The following TMTC1 variants were observed in gnomAD, a reference collection of about 807,000 sequenced individuals.
The protein encoded by TMTC1 is transmembrane O-mannosyltransferase targeting cadherins 1.
TMTC1 carries 73 observed loss-of-function variants against 104.8 expected under a neutral mutation model. The observed-to-expected ratio is 0.70, with a 90% CI of 0.58 to 0.85. The LOEUF (loss-of-function observed/expected upper bound fraction) is 0.85, where lower values mean the gene tolerates loss of function less well. TMTC1 is among the 40% of genes least tolerant of loss of function. The probability of loss-of-function intolerance (pLI) is 0.00; values close to 1 mark genes in which losing one functional copy is unlikely to be tolerated. For synonymous variants in TMTC1, 434 were observed against 428.7 expected, an observed-to-expected ratio of 1.01 and a Z score of -0.15; for missense variants, 1,035 against 1,096.1, an observed-to-expected ratio of 0.94 and a Z score of 0.79.
At chr12:29,527,782 C>T (rs778806228) in intron 11 of TMTC1, among the ~76,000 whole-genome samples, 1 of 152,174 alleles carries the variant, frequency 6.6e-6, no homozygotes, top group South Asian at 2.1e-4. Flanking sequence ...CCAAAATAGG[C>T]AAAGAGATTA....
chr12:29,517,515 T>G lies in TMTC1; in HGVS notation c.2081A>C (p.Tyr694Ser). The G allele has an allele frequency of 6.2e-7, 1 of 1,614,162 alleles. No homozygotes were observed. Among genetic ancestry groups the G allele is most frequent in the South Asian group, 1.1e-5 (1 of 91,076 alleles). The change falls in exon 14 of 18, where the codon TAC becomes TCC. Residue 694 changes from tyrosine (Y) to serine (S), a missense_variant. Coordinates refer to ENST00000539277, the MANE Select transcript of TMTC1 (RefSeq NM_001193451.2). ...EILSPLGALYYNTGRYEEALQ... is the reference protein window; with the variant it reads ...EILSPLGALYSNTGRYEEALQ... ...AGCCTCTTCGTATCGGCCAGTGTTG[T>G]AATACAGTGCTCCCAAAGGTGACAA... is the stretch of plus-strand genomic sequence containing the variant.
At chr12:29,700,143 C>T (rs1158802588) in intron 5 of TMTC1, among the ~76,000 whole-genome samples, 1 of 151,832 alleles carries the variant, frequency 6.6e-6, no homozygotes, top group Admixed American at 6.6e-5. Context: ...TAAACTCCTG[C>T]ACTCAAGGGA....
intron 9 of TMTC1, among the ~76,000 whole-genome samples, chr12:29,568,509 C>T (rs1412379852): frequency 6.6e-6 from 1 of 152,116 alleles, no homozygotes; most frequent in Non-Finnish European, 1.5e-5. Flanking sequence ...AGACTCATAG[C>T]AATGAATTAT....
chr12:29,591,577 C>T (rs1241695399), intron 7 of TMTC1, among the ~76,000 whole-genome samples: 1 of 152,188 alleles, frequency 6.6e-6, no homozygotes, highest in African/African-American at 2.4e-5. Flanking sequence ...TGAGAAAGAA[C>T]CACCACTGCT....
chr12:29,719,480 T>C (rs1465311256), intron 5 of TMTC1, among the ~76,000 whole-genome samples: 1 of 152,212 alleles, frequency 6.6e-6, no homozygotes, highest in African/African-American at 2.4e-5. Context: ...CTGGCTGGTT[T>C]GTGATTATAC....
intron 5 of TMTC1, among the ~76,000 whole-genome samples, chr12:29,707,339 T>C (rs1941774525): frequency 6.6e-6 from 1 of 152,186 alleles, no homozygotes; most frequent in Non-Finnish European, 1.5e-5. Flanking sequence ...TTAGCTACTA[T>C]ATAAAATTTA....
intron 5 of TMTC1, among the ~76,000 whole-genome samples, chr12:29,711,910 G>A (rs566837910): frequency 2.0e-5 from 3 of 149,436 alleles, no homozygotes; most frequent in Non-Finnish European, 4.4e-5. Context: ...GGGAGGCTGA[G>A]GCAGGAGAAT....
At position 29,751,788 on chromosome 12, in the gene TMTC1, C is replaced by T; in HGVS notation, c.816G>A (p.Glu272=). 6.2e-7 allele frequency: 1 copy of T among 1,613,690 alleles called. No homozygotes were observed. ...GAGGGAACCGCTGCTGCTTCCCATT[C>T]TCCCGGTGAGGATGGCCTGGCAGTG... ...PSSLPGHPHR[E]NGKQQRFPHK... Residue 272 remains glutamate, a synonymous_variant, in exon 5 of 18, where the codon GAG becomes GAA. Coordinates refer to ENST00000539277, the MANE Select transcript of TMTC1 (RefSeq NM_001193451.2).
rs1943511368 is a variant in TMTC1, at chr12:29,768,013, T to C, written c.365A>G (p.His122Arg). 2 of 1,613,736 alleles carry C rather than the reference T, an allele frequency of 1.2e-6. No homozygotes were observed. Among genetic ancestry groups the C allele is most frequent in the Non-Finnish European group, 1.7e-6 (2 of 1,179,806 alleles). ...CATCAGCACAAGAGTCACTAAGCAG[T>C]GTAAAATTATATTTACTGCATGAAA... ...FYFHAVNIIL[H>R]CLVTLVLMYT... The change falls in exon 2 of 18, where the codon CAC becomes CGC. Residue 122 changes from histidine to arginine, a missense_variant. Transcript: ENST00000539277.
chr12:29,572,090 C>A lies in TMTC1; in HGVS notation c.1532+15G>T. The A allele has an allele frequency of 6.2e-7, 1 of 1,602,406 alleles. No individual in the cohort carries two copies. The highest frequency in any genetic ancestry group is 1.1e-5 in the South Asian group (1 of 90,754). The stretch of plus-strand genomic sequence containing the variant: ...TAAAGCACCAAGGCCAACACCCTCC[C>A]TGTGTGGCGCTTACTTGAGAGCTGT... On this transcript the variant is annotated intron_variant, in intron 9 of 17. Transcript: ENST00000539277.
chr12:29,665,150 CA>C (rs1249483695), intron 5 of TMTC1, among the ~76,000 whole-genome samples: 2 of 149,962 alleles, frequency 1.3e-5, no homozygotes, highest in Non-Finnish European at 3.0e-5. Context: ...TACCCAATTT[CA>C]AAAAAAAAGA....
rs140628344 is a variant in TMTC1, at chr12:29,652,729, T to C, written c.939-19393A>G. Among the ~76,000 whole-genome samples the C allele has an allele frequency of 3.5e-3, 535 of 152,094 alleles. 4 individuals are homozygous for C. The highest frequency in any genetic ancestry group is 0.012 in the African/African-American group (517 of 41,498). On this transcript the variant is annotated intron_variant, in intron 5 of 17. Transcript: ENST00000539277. ...TTCACATTTAAATGGGAAGGAAAAA[T>C]TGGGGAATAGTCTATAACAATAAAG... is the stretch of plus-strand genomic sequence containing the variant.
chr12:29,666,214 TTTTTTTC>T lies in TMTC1; in HGVS notation c.939-32885_939-32879del, dbSNP rs762065402. 3.2e-4 allele frequency: 138 copies of T among 425,260 alleles called. 1 individual carries two copies. The highest frequency in any genetic ancestry group is 6.9e-4 in the Middle Eastern group (2 of 2,908). The allele number at this position is 425,260 out of a possible 1,614,324, so 26.3% of individuals were successfully genotyped here. A position where few individuals can be genotyped will look rare whatever the true frequency, so the allele number is the denominator to read the frequency against. ...ACATCTACCCCTTTTCTTTTCTTTC[TTTTTTTC>T]TTTTTTCTTTTTTTTTTTTTTTTGG... On this transcript the variant is annotated intron_variant, in intron 5 of 17. Transcript: ENST00000539277.
chr12:29,510,556 A>G (rs1943804982), intron 17 of TMTC1, among the ~76,000 whole-genome samples: 1 of 152,168 alleles, frequency 6.6e-6, no homozygotes, highest in African/African-American at 2.4e-5. Flanking sequence ...TCGTGCTTGA[A>G]TTCACCACCT....
intron 5 of TMTC1, among the ~76,000 whole-genome samples, chr12:29,708,441 T>A (rs1166105239): frequency 6.6e-6 from 1 of 152,178 alleles, no homozygotes; most frequent in East Asian, 1.9e-4. Flanking sequence ...CGAAGTCACT[T>A]CAGAGATCAT....
At chr12:29,514,389 C>CTTAG in intron 16 of TMTC1, 93 bp downstream of exon 16, 1 of 1,339,620 alleles carries the variant, frequency 7.5e-7, no homozygotes, top group Non-Finnish European at 1.0e-6. Flanking sequence ...TGCCAGTGAT[C>CTTAG]TTAGATCTTA....
At chr12:29,697,528 T>C (rs1829397681) in intron 5 of TMTC1, among the ~76,000 whole-genome samples, 1 of 152,192 alleles carries the variant, frequency 6.6e-6, no homozygotes, top group African/African-American at 2.4e-5. Context: ...TGTGTGTGTA[T>C]AGAAAGAGAT....
chr12:29,614,935 C>T (rs951675989), intron 6 of TMTC1, among the ~76,000 whole-genome samples: 11 of 152,156 alleles, frequency 7.2e-5, no homozygotes, highest in Admixed American at 6.5e-4. Context: ...CTGTAACAGG[C>T]AGAAAAATAG....
chr12:29,561,924 A>G (rs1304211152), intron 9 of TMTC1, among the ~76,000 whole-genome samples: 1 of 152,226 alleles, frequency 6.6e-6, no homozygotes, highest in Non-Finnish European at 1.5e-5. Context: ...TGAGAAAATA[A>G]GAGTCCAAAA....
Sources: allele counts gnomAD v4.1 joint callset (sites outside exome capture counted in the v4.1 genomes callset), GRCh38; gene constraint gnomAD v4.1.1; transcripts MANE v1.5; gene names NCBI Gene and HGNC (gene_info 2026-07-23, HGNC 2026-07-21).